PTPRF: variants seen among roughly 807,000 people sequenced by gnomAD.
PTPRF encodes receptor-type tyrosine-protein phosphatase F.
Under a neutral mutation model 201.8 loss-of-function variants are expected in PTPRF, and 59 were observed. That is an observed-to-expected ratio of 0.29 (90% CI 0.24 to 0.36). The LOEUF is 0.36. PTPRF is among the 10% of genes least tolerant of loss of function. The pLI, the probability that PTPRF is intolerant of heterozygous loss-of-function variation, is 1.00. For synonymous variants in PTPRF, 1,088 were observed against 1,089.7 expected (o/e 1.00, Z 0.03); for missense variants, 2,132 against 2,690.5 (o/e 0.79, Z 4.59).
chr1:43,581,757 G>A (rs1647709989), intron 7 of PTPRF, among the ~76,000 whole-genome samples: 1 of 152,182 alleles, frequency 6.6e-6, no homozygotes, highest in South Asian at 2.1e-4. Flanking sequence ...CCTGCACCCC[G>A]TCCCATCTCC....
intron 23 of PTPRF, 28 bp from the exon 24 acceptor site, chr1:43,617,417 C>A (rs749267660): frequency 2.5e-5 from 40 of 1,613,708 alleles, no homozygotes; most frequent in Non-Finnish European, 3.3e-5. Context: ...TCTTACCCCA[C>A]CCCACCCGCT....
intron 5 of PTPRF, among the ~76,000 whole-genome samples, chr1:43,555,828 A>G (rs924087832): frequency 6.6e-6 from 1 of 152,150 alleles, no homozygotes; most frequent in East Asian, 1.9e-4. Context: ...TGTTGGACAC[A>G]TATGTTCTCA....
intron 7 of PTPRF, among the ~76,000 whole-genome samples, chr1:43,582,880 T>A (rs1648088567): frequency 6.6e-6 from 1 of 152,112 alleles, no homozygotes; most frequent in Non-Finnish European, 1.5e-5. Context: ...GAGTCCTGAG[T>A]CTTTTGTGAG....
chr1:43,529,969 G>C (rs1048045204), upstream of PTPRF, among the ~76,000 whole-genome samples: 1 of 152,064 alleles, frequency 6.6e-6, no homozygotes, highest in Non-Finnish European at 1.5e-5. Context: ...GTATTAGTCA[G>C]TCTCTGCTTG....
intron 5 of PTPRF, among the ~76,000 whole-genome samples, chr1:43,556,184 G>A (rs1042716279): frequency 1.3e-5 from 2 of 152,144 alleles, no homozygotes; most frequent in African/African-American, 2.4e-5. Context: ...CCATTTTTAC[G>A]CTGTGGCTTT....
rs1553174851 is a variant in PTPRF, at chr1:43,554,857, C to CTTTT, written c.379+926_379+929dup. Reference sequence around the variant, plus strand: ...TTTTTTTTCTTTTCTTTCTTTCTTTCTTTTTTTTTTTTTGAGATGCAGTCT... The same window carrying CTTTT: ...TTTTTTTTCTTTTCTTTCTTTCTTTCTTTTTTTTTTTTTTTTTGAGATGCAGTCT... On this transcript the variant is annotated intron_variant, in intron 5 of 33. Transcript: ENST00000359947. This position sits in a 1 kb window ranked among gnomAD's most constrained non-coding sequence, Gnocchi z 4.1. Among the ~76,000 whole-genome samples, 5 of 133,374 alleles carry CTTTT rather than the reference C, an allele frequency of 3.7e-5. No individual in the cohort carries two copies. The highest frequency in any genetic ancestry group is 2.1e-4 in the East Asian group (1 of 4,780). The allele number at this position is 133,374 out of a possible 152,430, so 87.5% of individuals were successfully genotyped here. A position where few individuals can be genotyped will look rare whatever the true frequency, so the allele number is the denominator to read the frequency against.
At chr1:43,575,457 C>G (rs1313434553) in intron 6 of PTPRF, among the ~76,000 whole-genome samples, 1 of 152,180 alleles carries the variant, frequency 6.6e-6, no homozygotes, top group Non-Finnish European at 1.5e-5. Flanking sequence ...GCAAGCCCTC[C>G]CTTTAGCCTG....
chr1:43,591,945 A>G lies in PTPRF; in HGVS notation c.1665A>G (p.Gln555=), dbSNP rs936080917. Residue 555 remains glutamine, a synonymous_variant, in exon 10 of 34, where the codon CAA becomes CAG. Coordinates refer to ENST00000359947, the MANE Select transcript of PTPRF (RefSeq NM_002840.5). ...ACTGGGCGGCAGAGGACGAAGACCA[A>G]CAGGTGTGCAGCGGGCAGAGAAGCA... ...LVYWAAEDED[Q]QHKVTFDPTS... is the part of the protein sequence containing the mutation. 18 of 1,613,510 alleles carry G rather than the reference A, an allele frequency of 1.1e-5. No individual in the cohort carries two copies. Among genetic ancestry groups the G allele is most frequent in the Non-Finnish European group, 1.4e-5 (16 of 1,179,962 alleles).
intron 2 of PTPRF, among the ~76,000 whole-genome samples, chr1:43,539,362 G>A (rs2153956964): frequency 6.6e-6 from 1 of 152,286 alleles, no homozygotes; most frequent in South Asian, 2.1e-4. Flanking sequence ...GAGTGGAATT[G>A]GGGCAGATGA....
rs1569815920 is a variant in PTPRF, at chr1:43,554,825, T to C, written c.379+884T>C. ...GTTTTCAAAATATAGCATCGATTGT[T>C]GCTTGCTTTTTTTTCTTTTCTTTCT... On this transcript the variant is annotated intron_variant, in intron 5 of 33. Transcript: ENST00000359947. This position sits in a 1 kb window ranked among gnomAD's most constrained non-coding sequence, Gnocchi z 4.1. 6.6e-6 allele frequency among the ~76,000 whole-genome samples: 1 copy of C among 152,118 alleles called. No individual in the cohort carries two copies. The highest frequency in any genetic ancestry group is 2.4e-5 in the African/African-American group (1 of 41,530).
At chr1:43,565,135 C>T (rs961724477) in intron 5 of PTPRF, among the ~76,000 whole-genome samples, 3 of 152,204 alleles carry the variant, frequency 2.0e-5, no homozygotes, top group Non-Finnish European at 4.4e-5. Flanking sequence ...TCATGTGTTT[C>T]CTGTTCTTGA....
At chr1:43,544,796 C>T (rs928290250) in intron 2 of PTPRF, among the ~76,000 whole-genome samples, 1 of 152,074 alleles carries the variant, frequency 6.6e-6, no homozygotes, top group Non-Finnish European at 1.5e-5. Context: ...GCTCTTTCTC[C>T]CTCCACCGTG....
At chr1:43,611,646 TGAG>T (rs747356698) in intron 22 of PTPRF, among the ~76,000 whole-genome samples, 5 of 152,122 alleles carry the variant, frequency 3.3e-5, no homozygotes, top group Non-Finnish European at 7.3e-5. Flanking sequence ...TCTGGCTCCT[TGAG>T]GAGACTGGAT....
chr1:43,577,702 C>T (rs1647021550), intron 6 of PTPRF, among the ~76,000 whole-genome samples: 1 of 152,096 alleles, frequency 6.6e-6, no homozygotes, highest in Non-Finnish European at 1.5e-5. Context: ...GTCCATCAGC[C>T]TGGGCCCTGG....
At chr1:43,548,870 A>G (rs561707660) in intron 3 of PTPRF, among the ~76,000 whole-genome samples, 11 of 152,200 alleles carry the variant, frequency 7.2e-5, no homozygotes, top group Non-Finnish European at 1.3e-4. Context: ...AAGGCACAAA[A>G]TAGCAGTCAG....
At chr1:43,620,249 C>A (rs781230155) in intron 30 of PTPRF, 28 bp downstream of exon 30, 1 of 1,612,008 alleles carries the variant, frequency 6.2e-7, no homozygotes, top group Non-Finnish European at 8.5e-7. Flanking sequence ...CCCAGGGCCC[C>A]TGTCATACCT....
Position 43,603,563 on chromosome 1 carries a change from G to A in PTPRF, c.2458+30G>A. 1 of 1,613,070 alleles carries A rather than the reference G, an allele frequency of 6.2e-7. No homozygotes were observed. Among genetic ancestry groups the A allele is most frequent in the Non-Finnish European group, 8.5e-7 (1 of 1,179,338 alleles). ...GTGAGGGGTCAGGACGGACCTGAGG[G>A]TGGGGCAGCAGGAGGGCAGCGCCAG... On this transcript the variant is annotated intron_variant, in intron 15 of 33. Transcript: ENST00000359947. The surrounding 1 kb of genome is among the most constrained non-coding windows in gnomAD (Gnocchi z 5.8).
At chr1:43,560,616 T>C (rs1184210062) in intron 5 of PTPRF, among the ~76,000 whole-genome samples, 1 of 152,108 alleles carries the variant, frequency 6.6e-6, no homozygotes, top group African/African-American at 2.4e-5. Flanking sequence ...CTGGGCTCAT[T>C]GTCTCTGGGA....
At position 43,553,667 on chromosome 1, in the gene PTPRF, G is replaced by A. The variant is rs1468939055; in HGVS notation, c.237+30G>A. On this transcript the variant is annotated intron_variant, in intron 4 of 33. Transcript: ENST00000359947. This position sits in a 1 kb window ranked among gnomAD's most constrained non-coding sequence, Gnocchi z 4.1. The stretch of plus-strand genomic sequence containing the variant: ...GTCTGTGGTGGGAAGGGGTCGGCAG[G>A]GCTCAGGGTCTGCCCACACTCTCTC... 3 of 1,612,960 alleles carry A rather than the reference G, an allele frequency of 1.9e-6. No homozygotes were observed. In the African/African-American group the frequency reaches 4.0e-5, roughly 22 times the overall value.
Sources: allele counts gnomAD v4.1 joint callset (sites outside exome capture counted in the v4.1 genomes callset), GRCh38; gene constraint gnomAD v4.1.1; non-coding constraint Gnocchi (gnomAD v3.1); transcripts MANE v1.5; gene names NCBI Gene and HGNC (gene_info 2026-07-23, HGNC 2026-07-21).